Variants in NRG3 observed in about 807,000 individuals in gnomAD.
NRG3 encodes pro-neuregulin-3, membrane-bound isoform.
A neutral mutation model predicts 66.9 loss-of-function variants in NRG3; 31 were observed. The ratio of observed to expected loss-of-function variants is 0.46; its 90% CI spans 0.35 to 0.63. The LOEUF (loss-of-function observed/expected upper bound fraction) is 0.63. NRG3 is among the 20% of genes least tolerant of loss of function. NRG3 has a pLI of 0.00. For missense variants in NRG3, 910 were observed against 878.9 expected (o/e 1.04, Z -0.45); for synonymous variants, 393 against 359.4 (o/e 1.09, Z -1.06).
chr10:82,615,916 G>C (rs1450923201), intron 2 of NRG3, among the ~76,000 whole-genome samples: 1 of 152,102 alleles, frequency 6.6e-6, no homozygotes. Flanking sequence ...CTACTCCTGT[G>C]AGACAAAAAG....
At chr10:82,546,743 T>G (rs2043943479) in intron 2 of NRG3, among the ~76,000 whole-genome samples, 1 of 152,300 alleles carries the variant, frequency 6.6e-6, no homozygotes, top group African/African-American at 2.4e-5. Flanking sequence ...CATGTGTAAA[T>G]CATCTCTAAC....
intron 1 of NRG3, among the ~76,000 whole-genome samples, chr10:81,921,704 T>C (rs1467111262): frequency 5.9e-5 from 9 of 152,112 alleles, no homozygotes; most frequent in Admixed American, 4.6e-4. Flanking sequence ...CATTCCTTTT[T>C]AGTAGCAAGC....
chr10:82,569,978 T>C (rs2045633573), intron 2 of NRG3, among the ~76,000 whole-genome samples: 2 of 151,660 alleles, frequency 1.3e-5, no homozygotes, highest in Non-Finnish European at 3.0e-5. Flanking sequence ...ACCACTTTCT[T>C]AGTTTTAAGT....
chr10:82,961,057 C>A (rs553216717), intron 6 of NRG3, among the ~76,000 whole-genome samples: 17 of 152,292 alleles, frequency 1.1e-4, no homozygotes, highest in African/African-American at 4.1e-4. Flanking sequence ...TAAACACATT[C>A]AGTGGATTTG....
At chr10:82,149,688 T>C (rs548023311) in intron 1 of NRG3, among the ~76,000 whole-genome samples, 205 of 150,694 alleles carry the variant, frequency 1.4e-3, no homozygotes, top group South Asian at 0.012. Flanking sequence ...TAGTGGATGC[T>C]GGGAATTTAG....
intron 4 of NRG3, among the ~76,000 whole-genome samples, chr10:82,902,694 T>C (rs1308055000): frequency 6.6e-6 from 1 of 152,134 alleles, no homozygotes; most frequent in African/African-American, 2.4e-5. Context: ...GTATACATTA[T>C]TATATGTATT....
intron 2 of NRG3, among the ~76,000 whole-genome samples, chr10:82,364,667 A>C (rs181815260): frequency 3.0e-4 from 45 of 152,310 alleles, no homozygotes; most frequent in Admixed American, 2.7e-3. Flanking sequence ...GAAGCTCATT[A>C]AATGTTTCAC....
At chr10:82,781,324 T>C (rs951244750) in intron 3 of NRG3, among the ~76,000 whole-genome samples, 2 of 152,256 alleles carry the variant, frequency 1.3e-5, no homozygotes, top group Admixed American at 1.3e-4. Flanking sequence ...TATTACTCTC[T>C]AATTTAAATT....
chr10:82,082,255 C>T (rs1256232522), intron 1 of NRG3, among the ~76,000 whole-genome samples: 1 of 152,180 alleles, frequency 6.6e-6, no homozygotes, highest in Non-Finnish European at 1.5e-5. Flanking sequence ...TCTGAAACAT[C>T]TCAAGCTTTA....
At chr10:82,380,217 A>G (rs1468411656) in intron 2 of NRG3, among the ~76,000 whole-genome samples, 1 of 152,122 alleles carries the variant, frequency 6.6e-6, no homozygotes, top group Non-Finnish European at 1.5e-5. Flanking sequence ...CATTCCAAGG[A>G]TGAAAATACA....
At chr10:82,389,715 A>G (rs990814328) in intron 2 of NRG3, among the ~76,000 whole-genome samples, 3 of 152,218 alleles carry the variant, frequency 2.0e-5, no homozygotes, top group African/African-American at 7.2e-5. Context: ...CTTTATACAT[A>G]TACACACACT....
At chr10:82,526,638 G>A (rs1430466168) in intron 2 of NRG3, among the ~76,000 whole-genome samples, 1 of 151,818 alleles carries the variant, frequency 6.6e-6, no homozygotes, top group Non-Finnish European at 1.5e-5. Context: ...AAGCATTACT[G>A]GTGATAAAGA....
chr10:82,202,308 C>G (rs1014163375), intron 1 of NRG3, among the ~76,000 whole-genome samples: 4 of 152,082 alleles, frequency 2.6e-5, no homozygotes, highest in African/African-American at 4.8e-5. Context: ...CAAGTTGTAA[C>G]AAATGGAATT....
chr10:82,358,937 A>G, intron 2 of NRG3, 69 bp downstream of exon 2: 1 of 1,603,948 alleles, frequency 6.2e-7, no homozygotes, highest in Non-Finnish European at 8.5e-7. Flanking sequence ...GGGTGCTGGC[A>G]GCATCTGGTA....
In NRG3 at chr10:82,737,314, T is replaced by C. The variant is rs559993271; in HGVS notation, c.954-1263T>C. Reference sequence around the variant, plus strand: ...CTGCCCGATTACCTGAATTCCAATTTGGCTCACAATGAAAGATAGAAAAAT... The same window carrying C: ...CTGCCCGATTACCTGAATTCCAATTCGGCTCACAATGAAAGATAGAAAAAT... On this transcript the variant is annotated intron_variant, in intron 2 of 8. Transcript: ENST00000372141. 9.2e-5 allele frequency among the ~76,000 whole-genome samples: 14 copies of C among 152,318 alleles called. No homozygotes were observed. In the South Asian group the frequency reaches 2.9e-3, roughly 32 times the overall value.
intron 1 of NRG3, among the ~76,000 whole-genome samples, chr10:82,189,203 A>C (rs1388089130): frequency 1.3e-5 from 2 of 152,178 alleles, no homozygotes; most frequent in African/African-American, 4.8e-5. Flanking sequence ...AACAAATGAG[A>C]ATATGCCATG....
At chr10:82,760,044 C>T (rs891166451) in intron 3 of NRG3, among the ~76,000 whole-genome samples, 3 of 152,072 alleles carry the variant, frequency 2.0e-5, no homozygotes, top group Admixed American at 6.6e-5. Flanking sequence ...TCAATTTTAT[C>T]AGAGGATTAG....
At chr10:82,796,160 A>G (rs1162383252) in intron 3 of NRG3, among the ~76,000 whole-genome samples, 6 of 152,202 alleles carry the variant, frequency 3.9e-5, no homozygotes, top group Admixed American at 1.3e-4. Context: ...TTTTAGGCTC[A>G]TGTGAGATCA....
intron 1 of NRG3, among the ~76,000 whole-genome samples, chr10:82,041,786 A>G (rs980897391): frequency 6.9e-6 from 1 of 145,166 alleles, no homozygotes; most frequent in East Asian, 2.1e-4. Flanking sequence ...CCTTTTTGCC[A>G]TATGAAAGAA....
Sources: allele counts gnomAD v4.1 joint callset (sites outside exome capture counted in the v4.1 genomes callset), GRCh38; gene constraint gnomAD v4.1.1; transcripts MANE v1.5; gene names NCBI Gene and HGNC (gene_info 2026-07-23, HGNC 2026-07-21).